Variants in PDE7B observed in about 807,000 individuals in gnomAD.
PDE7B encodes phosphodiesterase 7B.
A neutral mutation model predicts 56.2 loss-of-function variants in PDE7B; 29 were observed. The ratio of observed to expected loss-of-function variants is 0.52; its 90% confidence interval spans 0.38 to 0.70. The LOEUF is 0.70. PDE7B is among the 30% of genes least tolerant of loss of function. The pLI is 0.00. For missense variants in PDE7B, 490 were observed against 565.0 expected (o/e 0.87, Z 1.35); for synonymous variants, 197 against 196.9 (o/e 1.00, Z 0.00).
chr6:136,035,274 C>A (rs964254770), intron 2 of PDE7B: 3 of 152,176 alleles, frequency 2.0e-5, no homozygotes, highest in African/African-American at 7.2e-5. Context: ...GGTTTACAGG[C>A]ATGTTCTTCT....
intron 1 of PDE7B, among the ~76,000 whole-genome samples, chr6:135,910,778 C>A (rs978554931): frequency 6.6e-6 from 1 of 152,148 alleles, no homozygotes; most frequent in Non-Finnish European, 1.5e-5. Context: ...ACCTTCACCA[C>A]CCCCTGCCCC....
chr6:135,935,012 TA>T (rs1774384812), intron 1 of PDE7B, among the ~76,000 whole-genome samples: 3 of 55,492 alleles, frequency 5.4e-5, no homozygotes, highest in East Asian at 1.4e-3. Context: ...TATTTATATA[TA>T]AATAAATATA....
intron 2 of PDE7B, among the ~76,000 whole-genome samples, chr6:135,961,269 G>GTGTA (rs1774895247): frequency 1.4e-5 from 2 of 142,374 alleles, no homozygotes; most frequent in African/African-American, 5.7e-5. Flanking sequence ...GTGTGTGTGT[G>GTGTA]TGTGTGTGTG....
intron 3 of PDE7B, among the ~76,000 whole-genome samples, chr6:136,127,461 T>C (rs1436631110): frequency 6.6e-6 from 1 of 152,256 alleles, no homozygotes; most frequent in East Asian, 1.9e-4. Context: ...GGTTCCAAAG[T>C]GTCTTAAACG....
At chr6:136,074,538 C>T (rs1018721370) in intron 2 of PDE7B, among the ~76,000 whole-genome samples, 2 of 152,108 alleles carry the variant, frequency 1.3e-5, no homozygotes, top group African/African-American at 2.4e-5. Context: ...TTCACTCTAT[C>T]TAATTATATT....
intron 2 of PDE7B, among the ~76,000 whole-genome samples, chr6:136,078,159 TTG>T (rs1425452851): frequency 6.6e-6 from 1 of 151,876 alleles, no homozygotes; most frequent in Non-Finnish European, 1.5e-5. Flanking sequence ...GGGCAAAGAG[TTG>T]TGAGTCAGCT....
intron 2 of PDE7B, among the ~76,000 whole-genome samples, chr6:136,106,082 G>T (rs887834081): frequency 1.3e-5 from 2 of 151,072 alleles, no homozygotes; most frequent in African/African-American, 4.9e-5. Flanking sequence ...TAATGGAGAA[G>T]TGATTTCCAA....
chr6:135,967,601 G>A (rs1371675508), intron 2 of PDE7B, among the ~76,000 whole-genome samples: 1 of 152,178 alleles, frequency 6.6e-6, no homozygotes, highest in East Asian at 1.9e-4. Context: ...GGCACCAAAA[G>A]CAGACTTGCC....
At chr6:136,122,054 G>GGT (rs1327377621) in intron 3 of PDE7B, among the ~76,000 whole-genome samples, 1 of 151,928 alleles carries the variant, frequency 6.6e-6, no homozygotes, top group Non-Finnish European at 1.5e-5. Flanking sequence ...GGAGCGCAGT[G>GGT]GTGTGATCTT....
At chr6:135,972,233 C>CAAAAAAAA (rs72005772) in intron 2 of PDE7B, among the ~76,000 whole-genome samples, 6 of 65,166 alleles carry the variant, frequency 9.2e-5, no homozygotes, top group African/African-American at 3.6e-4. Flanking sequence ...AAACTGTTCT[C>CAAAAAAAA]AAAAAAAAAA....
In PDE7B at chr6:136,147,411, A is replaced by G. The variant is rs2128446783; in HGVS notation, c.227A>G (p.Gln76Arg). Reference sequence around the variant, plus strand: ...AAGGTGAAAAGACTATTAAGCTTTCAAAGATACTTCCATGCATCAAGGCTG... The same window carrying G: ...AAGGTGAAAAGACTATTAAGCTTTCGAAGATACTTCCATGCATCAAGGCTG... ...KKKVKRLLSFQRYFHASRLLR... is the reference protein window; with the variant it reads ...KKKVKRLLSFRRYFHASRLLR... The change falls in exon 4 of 13, where the codon CAA (glutamine) becomes CGA (arginine). Residue 76 changes from glutamine to arginine, a missense_variant. Transcript: ENST00000308191. 1 of 1,613,222 alleles carries G rather than the reference A, an allele frequency of 6.2e-7. No homozygotes were observed. Among genetic ancestry groups the G allele is most frequent in the African/African-American group, 1.3e-5 (1 of 75,018 alleles).
At chr6:136,056,040 C>T (rs566328620) in intron 2 of PDE7B, among the ~76,000 whole-genome samples, 8 of 152,052 alleles carry the variant, frequency 5.3e-5, no homozygotes, top group South Asian at 4.2e-4. Flanking sequence ...AAAAAGAAGA[C>T]GGGAGCTAGA....
At chr6:136,004,047 T>C (rs1475690963) in intron 2 of PDE7B, among the ~76,000 whole-genome samples, 11 of 145,826 alleles carry the variant, frequency 7.5e-5, no homozygotes, top group East Asian at 6.3e-4. Flanking sequence ...GCTGGTTCAA[T>C]ATACACAAAT....
In PDE7B at chr6:136,154,170, C is replaced by T; in HGVS notation, c.574C>T (p.Pro192Ser). The T allele has an allele frequency of 6.2e-7, 1 of 1,609,076 alleles. No individual in the cohort carries two copies. The highest frequency in any genetic ancestry group is 1.1e-5 in the South Asian group (1 of 90,900). The change falls in exon 7 of 13, where the codon CCA becomes TCA. Residue 192 changes from proline to serine, a missense_variant. Transcript: ENST00000308191. ...TQAMHCYLKE[P>S]KLASFLTPLD... ...GGCCATGCACTGCTACCTGAAAGAG[C>T]CAAAGGTAAGACAAGACCCAGCTGC...
chr6:136,142,662 T>C (rs559399553), intron 3 of PDE7B, among the ~76,000 whole-genome samples: 2 of 152,208 alleles, frequency 1.3e-5, no homozygotes, highest in African/African-American at 4.8e-5. Flanking sequence ...ATATTTAGGA[T>C]AGTTAGCTCT....
intron 2 of PDE7B, among the ~76,000 whole-genome samples, chr6:136,054,905 G>A (rs1233791463): frequency 6.6e-6 from 1 of 152,098 alleles, no homozygotes; most frequent in Non-Finnish European, 1.5e-5. Context: ...CAGATCCCAT[G>A]ATACTTATTC....
intron 3 of PDE7B, among the ~76,000 whole-genome samples, chr6:136,144,071 A>G (rs958234356): frequency 6.6e-6 from 1 of 152,118 alleles, no homozygotes; most frequent in Non-Finnish European, 1.5e-5. Context: ...TTTTCCTTAT[A>G]CGTAACATAG....
chr6:136,133,191 C>T (rs1778147974), intron 3 of PDE7B, among the ~76,000 whole-genome samples: 1 of 151,666 alleles, frequency 6.6e-6, no homozygotes, highest in East Asian at 1.9e-4. Flanking sequence ...ATGTAACTAA[C>T]CTGCACATTG....
At chr6:136,075,685 C>T (rs1183747632) in intron 2 of PDE7B, among the ~76,000 whole-genome samples, 1 of 152,196 alleles carries the variant, frequency 6.6e-6, no homozygotes, top group Non-Finnish European at 1.5e-5. Flanking sequence ...TTCCCCTTCC[C>T]TTTTATTCTT....
Sources: allele counts gnomAD v4.1 joint callset (sites outside exome capture counted in the v4.1 genomes callset), GRCh38; gene constraint gnomAD v4.1.1; transcripts MANE v1.5; gene names NCBI Gene and HGNC (gene_info 2026-07-23, HGNC 2026-07-21).